The following CCBE1 variants were observed in gnomAD, a reference collection of about 807,000 sequenced individuals.
The protein encoded by CCBE1 is collagen and calcium binding EGF domains 1.
CCBE1 carries 37 observed loss-of-function variants against 50.0 expected under a neutral mutation model. The ratio of observed to expected loss-of-function variants is 0.74; its 90% CI spans 0.57 to 0.97. The LOEUF (loss-of-function observed/expected upper bound fraction) is 0.97, where lower values mean the gene tolerates loss of function less well. Ranked by LOEUF, CCBE1 falls within the 50% of genes least tolerant of loss-of-function variation. The probability of loss-of-function intolerance (pLI) is 0.00; values close to 1 mark genes in which losing one functional copy is unlikely to be tolerated. For synonymous variants in CCBE1, 234 were observed against 203.7 expected (o/e 1.15, Z -1.27); for missense variants, 538 against 523.8 (o/e 1.03, Z -0.26).
chr18:59,694,882 C>A (rs541432493), intron 2 of CCBE1, among the ~76,000 whole-genome samples: 1 of 152,300 alleles, frequency 6.6e-6, no homozygotes, highest in East Asian at 1.9e-4. Flanking sequence ...GTTTCCCATT[C>A]CTTTAAACAA....
intron 2 of CCBE1, among the ~76,000 whole-genome samples, chr18:59,642,518 A>G (rs1328746377): frequency 6.6e-6 from 1 of 152,200 alleles, no homozygotes. Flanking sequence ...CACCTGTAAG[A>G]AGGTTCACAG....
intron 2 of CCBE1, among the ~76,000 whole-genome samples, chr18:59,635,593 T>C (rs2053905073): frequency 6.6e-6 from 1 of 152,156 alleles, no homozygotes; most frequent in African/African-American, 2.4e-5. Flanking sequence ...AATATTCTAA[T>C]AAAATACTGT....
At chr18:59,613,964 C>T (rs1030554828) in intron 2 of CCBE1, among the ~76,000 whole-genome samples, 2 of 149,996 alleles carry the variant, frequency 1.3e-5, no homozygotes, top group Admixed American at 1.3e-4. Flanking sequence ...AACTCTGCCT[C>T]CCTGGTCCAT....
At chr18:59,535,252 A>G (rs1019975562) in intron 2 of CCBE1, among the ~76,000 whole-genome samples, 19 of 152,208 alleles carry the variant, frequency 1.2e-4, no homozygotes, top group African/African-American at 4.1e-4. Flanking sequence ...AGGCTTGACA[A>G]GAAGATGGTA....
chr18:59,603,450 C>T (rs2053457377), intron 2 of CCBE1, among the ~76,000 whole-genome samples: 1 of 152,172 alleles, frequency 6.6e-6, no homozygotes, highest in African/African-American at 2.4e-5. Flanking sequence ...AAAGATGGCT[C>T]ATCTCTCTGT....
Position 59,693,129 on chromosome 18 carries a change from C to CT in CCBE1, c.212+3499dup, listed in dbSNP as rs796557055. Among the ~76,000 whole-genome samples, 13 of 152,074 alleles carry CT rather than the reference C, an allele frequency of 8.5e-5. No individual in the cohort carries two copies. In the South Asian group the frequency reaches 2.3e-3, roughly 27 times the overall value. ...CCAAGGACTTTGACTGTACATTGTTCTTTTTTTTAAATAATCATTCCAAAT... is the reference window on the plus strand; with the variant it reads ...CCAAGGACTTTGACTGTACATTGTTCTTTTTTTTTAAATAATCATTCCAAAT... On this transcript the variant is annotated intron_variant, in intron 2 of 10. Coordinates refer to ENST00000439986, the MANE Select transcript of CCBE1 (RefSeq NM_133459.4).
intron 2 of CCBE1, among the ~76,000 whole-genome samples, chr18:59,618,492 T>C (rs7227574): frequency 0.34 from 51,581 of 150,950 alleles, 9,248 homozygotes; most frequent in East Asian, 0.6. Flanking sequence ...TGGAGCGCAG[T>C]GGCACAATCT....
intron 2 of CCBE1, among the ~76,000 whole-genome samples, chr18:59,549,242 C>T (rs1915826860): frequency 6.6e-6 from 1 of 151,918 alleles, no homozygotes; most frequent in African/African-American, 2.4e-5. Flanking sequence ...TCAAATATAG[C>T]AGTGTTCTAG....
At position 59,556,732 on chromosome 18, in the gene CCBE1, CCA is replaced by C. The variant is rs2052662441; in HGVS notation, c.213-76496_213-76495del. On this transcript the variant is annotated intron_variant, in intron 2 of 10. Coordinates refer to ENST00000439986, the MANE Select transcript of CCBE1 (RefSeq NM_133459.4). The stretch of plus-strand genomic sequence containing the variant: ...ACATTGTCATAGTAACTCTTCCAAC[CCA>C]CACTGAGGTTTTTTGTTCCCACTGA... 2.0e-5 allele frequency among the ~76,000 whole-genome samples: 3 copies of C among 152,154 alleles called. No homozygotes were observed. The South Asian group carries it at 6.2e-4, about 32-fold the overall frequency.
chr18:59,512,901 G>C (rs1390537999), intron 2 of CCBE1, among the ~76,000 whole-genome samples: 2 of 152,192 alleles, frequency 1.3e-5, no homozygotes, highest in Admixed American at 6.5e-5. Flanking sequence ...CCCACAGCCT[G>C]AGAAACCTGG....
At chr18:59,491,162 T>C (rs1233823407) in intron 2 of CCBE1, among the ~76,000 whole-genome samples, 1 of 152,226 alleles carries the variant, frequency 6.6e-6, no homozygotes, top group Non-Finnish European at 1.5e-5. Context: ...AAGCAAATCA[T>C]AGCTTCAAGC....
rs1568279289 is a variant in CCBE1, at chr18:59,697,372, C to CGAGCTCCGTCCG, written c.-42_-31dup. 1.9e-6 allele frequency: 3 copies of CGAGCTCCGTCCG among 1,541,300 alleles called. No homozygotes were observed. Among genetic ancestry groups the CGAGCTCCGTCCG allele is most frequent in the Non-Finnish European group, 2.6e-6 (3 of 1,145,704 alleles). On this transcript the variant is annotated 5_prime_UTR_variant, in exon 1 of 11. Transcript: ENST00000439986. ...GAAGCTCCCGGCTTCTTCCCAGCGC[C>CGAGCTCCGTCCG]GAGCTCCGTCCGGACCAAGCGTCCT...
At chr18:59,562,010 T>C (rs1175616252) in intron 2 of CCBE1, among the ~76,000 whole-genome samples, 2 of 152,198 alleles carry the variant, frequency 1.3e-5, no homozygotes, top group Non-Finnish European at 2.9e-5. Flanking sequence ...AGGAGCTGGA[T>C]CTGAATCCCC....
intron 3 of CCBE1, among the ~76,000 whole-genome samples, chr18:59,478,962 C>T (rs1183091663): frequency 6.6e-6 from 1 of 152,178 alleles, no homozygotes; most frequent in Non-Finnish European, 1.5e-5. Context: ...CTTCCTATGG[C>T]AGCTTTCTCA....
intron 2 of CCBE1, among the ~76,000 whole-genome samples, chr18:59,694,732 A>G (rs1307791599): frequency 6.6e-6 from 1 of 152,212 alleles, no homozygotes; most frequent in Non-Finnish European, 1.5e-5. Flanking sequence ...GGGATTCAAG[A>G]AGAGTAGATT....
In CCBE1 at chr18:59,539,783, C is replaced by T. The variant is rs77762120; in HGVS notation, c.213-59545G>A. Among the ~76,000 whole-genome samples the T allele has an allele frequency of 4.4e-4, 67 of 152,226 alleles. No individual in the cohort carries two copies. In the East Asian group the frequency reaches 0.01, roughly 24 times the overall value. ...AAATTTACATTGCATGAATATGCTC[C>T]AAAACTCACATAAGAATCAACCAAA... On this transcript the variant is annotated intron_variant, in intron 2 of 10. Coordinates refer to ENST00000439986, the MANE Select transcript of CCBE1 (RefSeq NM_133459.4).
intron 2 of CCBE1, among the ~76,000 whole-genome samples, chr18:59,691,553 G>A (rs1266010074): frequency 6.6e-6 from 1 of 152,186 alleles, no homozygotes; most frequent in African/African-American, 2.4e-5. Flanking sequence ...CTATAGGCGT[G>A]TGCCACCATG....
At position 59,643,338 on chromosome 18, in the gene CCBE1, A is replaced by G. The variant is rs752585378; in HGVS notation, c.212+53291T>C. On this transcript the variant is annotated intron_variant, in intron 2 of 10. Transcript: ENST00000439986. ...TTTGAGCAAATGCTCCATTGATTTG[A>G]AGGCAATTTAGTGGGACTTCAAAGA... is the stretch of plus-strand genomic sequence containing the variant. Among the ~76,000 whole-genome samples the G allele has an allele frequency of 3.3e-5, 5 of 152,352 alleles. 1 individual carries two copies. In the South Asian group the frequency reaches 1.0e-3, roughly 32 times the overall value.
chr18:59,530,866 TCAA>T (rs1915021709), intron 2 of CCBE1, among the ~76,000 whole-genome samples: 1 of 152,380 alleles, frequency 6.6e-6, no homozygotes, highest in Admixed American at 6.5e-5. Flanking sequence ...GCTATCGTCT[TCAA>T]CAATAACTAT....
Sources: allele counts gnomAD v4.1 joint callset (sites outside exome capture counted in the v4.1 genomes callset), GRCh38; gene constraint gnomAD v4.1.1; transcripts MANE v1.5; gene names NCBI Gene and HGNC (gene_info 2026-07-23, HGNC 2026-07-21).